EFR3B: variants seen among roughly 807,000 people sequenced by gnomAD.
The protein encoded by EFR3B is protein EFR3 homolog B.
A neutral mutation model predicts 104.7 loss-of-function variants in EFR3B; 64 were observed. That is an observed-to-expected ratio of 0.61 (90% CI 0.50 to 0.75). The LOEUF is 0.75. EFR3B is among the 30% of genes least tolerant of loss of function. The probability of loss-of-function intolerance (pLI) is 0.00; values close to 1 mark genes in which losing one functional copy is unlikely to be tolerated. For synonymous variants in EFR3B, 385 were observed against 417.9 expected, an observed-to-expected ratio of 0.92 and a Z score of 0.96; for missense variants, 750 against 1,078.5, an observed-to-expected ratio of 0.70 and a Z score of 4.27.
At chr2:25,134,615 C>T (rs1670471291) in intron 12 of EFR3B, among the ~76,000 whole-genome samples, 1 of 152,116 alleles carries the variant, frequency 6.6e-6, no homozygotes, top group Non-Finnish European at 1.5e-5. Context: ...ACAGAACTCC[C>T]CCGACCCCGC....
chr2:25,135,655 C>T lies in EFR3B; in HGVS notation c.1484+16C>T, dbSNP rs1371799578. ...CTACCATCAGGTGAACTTGGGGTGTCTCCTCCAGGCAATGCAAGATGGGGA... is the reference window on the plus strand; with the variant it reads ...CTACCATCAGGTGAACTTGGGGTGTTTCCTCCAGGCAATGCAAGATGGGGA... On this transcript the variant is annotated intron_variant, in intron 13 of 22. Transcript: ENST00000403714. 2.6e-6 allele frequency: 4 copies of T among 1,551,688 alleles called. No individual in the cohort carries two copies. Among genetic ancestry groups the T allele is most frequent in the African/African-American group, 2.7e-5 (2 of 73,044 alleles).
At chr2:25,097,336 T>C (rs1669307495) in intron 3 of EFR3B, among the ~76,000 whole-genome samples, 1 of 152,220 alleles carries the variant, frequency 6.6e-6, no homozygotes, top group African/African-American at 2.4e-5. Flanking sequence ...CCTCCCTGTC[T>C]TTCCGTACCC....
At chr2:25,055,877 A>G (rs1225236066) in intron 1 of EFR3B, among the ~76,000 whole-genome samples, 1 of 152,164 alleles carries the variant, frequency 6.6e-6, no homozygotes, top group Non-Finnish European at 1.5e-5. Flanking sequence ...TGTATCTTAG[A>G]GTTTACTGTT....
intron 1 of EFR3B, among the ~76,000 whole-genome samples, chr2:25,052,121 G>T (rs56276051): frequency 6.6e-6 from 1 of 151,418 alleles, no homozygotes; most frequent in African/African-American, 2.4e-5. Context: ...ACCTGAACCC[G>T]GGAGGCGGAG....
chr2:25,134,817 T>G (rs1670476023), intron 12 of EFR3B, among the ~76,000 whole-genome samples: 1 of 152,238 alleles, frequency 6.6e-6, no homozygotes, highest in Non-Finnish European at 1.5e-5. Flanking sequence ...CAGTTTGGGG[T>G]ACATCCTTAG....
chr2:25,103,719 T>C lies in EFR3B; in HGVS notation c.295T>C (p.Phe99Leu). Residue 99 changes from phenylalanine (F) to leucine (L), a missense_variant, in exon 4 of 23, where the codon TTC becomes CTC. Physicochemically the swap from Phe to Leu is conservative, Grantham distance 22 (BLOSUM62 0). Transcript: ENST00000403714. ...CQSINLFVES[F>L]LKMVAKLLES... ...GAGCATCAACCTCTTCGTGGAGAGC[T>C]TCCTCAAGATGGTGGCCAAGCTGCT... 6.4e-7 allele frequency: 1 copy of C among 1,551,684 alleles called. No individual in the cohort carries two copies.
At chr2:25,142,048 C>T (rs928982416) in intron 17 of EFR3B, among the ~76,000 whole-genome samples, 27 of 152,144 alleles carry the variant, frequency 1.8e-4, no homozygotes, top group African/African-American at 5.1e-4. Context: ...GCCTGCAGGC[C>T]CAGCGACTCA....
At chr2:25,074,288 G>A (rs1668574243) in intron 1 of EFR3B, among the ~76,000 whole-genome samples, 1 of 152,128 alleles carries the variant, frequency 6.6e-6, no homozygotes, top group African/African-American at 2.4e-5. Flanking sequence ...ATCTTTGGCT[G>A]AGCACAGTGG....
At chr2:25,075,566 G>A (rs1315574041) in intron 1 of EFR3B, among the ~76,000 whole-genome samples, 1 of 152,102 alleles carries the variant, frequency 6.6e-6, no homozygotes, top group African/African-American at 2.4e-5. Flanking sequence ...TGCTCTGTGT[G>A]TGTTTAACAG....
chr2:25,121,568 C>T (rs1419882576), intron 4 of EFR3B, 105 bp from the exon 5 acceptor site: 20 of 1,423,900 alleles, frequency 1.4e-5, no homozygotes, highest in Non-Finnish European at 1.6e-5. Flanking sequence ...CTCCAGGATG[C>T]GTGGTTCCCA....
chr2:25,125,213 A>G (rs894277234), intron 5 of EFR3B, among the ~76,000 whole-genome samples: 5 of 152,214 alleles, frequency 3.3e-5, no homozygotes, highest in African/African-American at 1.2e-4. Context: ...CTGAAGGTGA[A>G]GGAGTGCAAG....
chr2:25,152,755 C>G (rs1174333284), intron 21 of EFR3B, among the ~76,000 whole-genome samples: 1 of 151,964 alleles, frequency 6.6e-6, no homozygotes, highest in Non-Finnish European at 1.5e-5. Context: ...TACAAATAAC[C>G]TATTCTCCTA....
chr2:25,081,301 G>A (rs1234729724), intron 1 of EFR3B: 1 of 936,780 alleles, frequency 1.1e-6, no homozygotes, highest in Admixed American at 2.0e-5. Context: ...GCTGAAACCT[G>A]CGCCTTCATC....
intron 5 of EFR3B, 82 bp downstream of exon 5, chr2:25,121,876 AT>A (rs1276611268): frequency 2.2e-5 from 33 of 1,525,918 alleles, no homozygotes; most frequent in African/African-American, 2.8e-5. Context: ...CCAACCTGCC[AT>A]TGCGTGTCTG....
At chr2:25,077,087 G>A (rs1668650361) in intron 1 of EFR3B, among the ~76,000 whole-genome samples, 1 of 152,170 alleles carries the variant, frequency 6.6e-6, no homozygotes, top group Admixed American at 6.5e-5. Flanking sequence ...CCCCTCTCCT[G>A]CAGCCACATG....
At chr2:25,101,591 C>T (rs545895987) in intron 3 of EFR3B, among the ~76,000 whole-genome samples, 83 of 152,308 alleles carry the variant, frequency 5.4e-4, no homozygotes, top group African/African-American at 1.9e-3. Context: ...AAGCAATCTG[C>T]CCACCTCAGC....
chr2:25,050,679 G>A (rs1667841908), intron 1 of EFR3B, among the ~76,000 whole-genome samples: 3 of 152,096 alleles, frequency 2.0e-5, no homozygotes, highest in Admixed American at 2.0e-4. Flanking sequence ...AAAAAAGCCA[G>A]GAATAAAGTT....
intron 17 of EFR3B, 80 bp downstream of exon 17, chr2:25,141,513 G>C: frequency 4.1e-6 from 6 of 1,446,288 alleles, no homozygotes; most frequent in Non-Finnish European, 5.6e-6. Flanking sequence ...GTCAGGAGGG[G>C]TCAATGCCAG....
rs1189258026 is a variant in EFR3B at position 25,121,865 on chromosome 2, T to G, written c.485+71T>G. ...GCAACGGTGGGTCCTGTAGATAACT[T>G]CCAACCTGCCATTGCGTGTCTGCTT... On this transcript the variant is annotated intron_variant, in intron 5 of 22. Coordinates refer to ENST00000403714, the MANE Select transcript of EFR3B (RefSeq NM_014971.2). 11 of 1,541,914 alleles carry G rather than the reference T, an allele frequency of 7.1e-6. No individual in the cohort carries two copies. The East Asian group carries it at 2.7e-4, about 38-fold the overall frequency.
Sources: allele counts gnomAD v4.1 joint callset (sites outside exome capture counted in the v4.1 genomes callset), GRCh38; gene constraint gnomAD v4.1.1; transcripts MANE v1.5; gene names NCBI Gene and HGNC (gene_info 2026-07-23, HGNC 2026-07-21).